NWD2: variants seen among roughly 807,000 people sequenced by gnomAD.
NWD2 encodes the protein NACHT and WD repeat domain-containing protein 2.
In NWD2, 37 loss-of-function variants were observed where a neutral mutation model predicts 132.7. The ratio of observed to expected loss-of-function variants is 0.28; its 90% CI spans 0.21 to 0.37. The LOEUF (loss-of-function observed/expected upper bound fraction) is 0.37. NWD2 is among the 10% of genes least tolerant of loss of function. The probability of loss-of-function intolerance (pLI) is 1.00; values close to 1 mark genes in which losing one functional copy is unlikely to be tolerated. For synonymous variants in NWD2, 705 were observed against 803.0 expected, an observed-to-expected ratio of 0.88 and a Z score of 2.06; for missense variants, 1,592 against 2,122.4, an observed-to-expected ratio of 0.75 and a Z score of 4.91.
chr4:37,316,419 C>G (rs1308751199), intron 1 of NWD2, among the ~76,000 whole-genome samples: 3 of 151,654 alleles, frequency 2.0e-5, no homozygotes, highest in Admixed American at 6.6e-5. Context: ...TTCTCTTTAT[C>G]TTTTGTTTTA....
In NWD2 at chr4:37,387,670, CTTT is replaced by C. The variant is rs34665816; in HGVS notation, c.357+31208_357+31210del. Reference sequence around the variant, plus strand: ...GCCAGAGTAACCACTTTGAAATATTCTTTTTTTTTTTTTTTTTTTTTTGAGACA... The same window carrying C: ...GCCAGAGTAACCACTTTGAAATATTCTTTTTTTTTTTTTTTTTTTGAGACA... On this transcript the variant is annotated intron_variant, in intron 3 of 6. Transcript: ENST00000309447. 9.1e-3 allele frequency among the ~76,000 whole-genome samples: 810 copies of C among 88,706 alleles called. 5 individuals are homozygous for C. The highest frequency in any genetic ancestry group is 0.018 in the African/African-American group (370 of 20,296). The allele number at this position is 88,706 out of a possible 152,430, so 58.2% of individuals were successfully genotyped here. A position where few individuals can be genotyped will look rare whatever the true frequency, so the allele number is the denominator to read the frequency against.
At chr4:37,327,333 G>A (rs886830571) in intron 2 of NWD2, among the ~76,000 whole-genome samples, 1 of 152,114 alleles carries the variant, frequency 6.6e-6, no homozygotes, top group African/African-American at 2.4e-5. Flanking sequence ...GAGAAAAAAA[G>A]TATACTTTCT....
At chr4:37,245,304 C>T (rs1717213986) in intron 1 of NWD2, 86 bp downstream of exon 1, 2 of 1,386,368 alleles carry the variant, frequency 1.4e-6, no homozygotes, top group Non-Finnish European at 1.9e-6. Context: ...CCCCACAGCC[C>T]GGTGCGCCCT....
intron 1 of NWD2, among the ~76,000 whole-genome samples, chr4:37,321,783 A>G (rs1415067670): frequency 5.3e-5 from 8 of 152,208 alleles, no homozygotes; most frequent in Non-Finnish European, 1.2e-4. Context: ...AGAGCCAATC[A>G]TATATTAATA....
chr4:37,379,017 G>C (rs532210066), intron 3 of NWD2, among the ~76,000 whole-genome samples: 3 of 152,302 alleles, frequency 2.0e-5, no homozygotes, highest in South Asian at 4.1e-4. Flanking sequence ...CAAGCTAATT[G>C]TGGAAAGGAA....
intron 1 of NWD2, among the ~76,000 whole-genome samples, chr4:37,313,545 G>A (rs755359877): frequency 8.6e-5 from 13 of 150,872 alleles, no homozygotes; most frequent in Non-Finnish European, 1.3e-4. Context: ...CTTGCTAGCG[G>A]TCTATCAATT....
At chr4:37,348,211 T>C (rs1719675912) in intron 2 of NWD2, among the ~76,000 whole-genome samples, 1 of 152,210 alleles carries the variant, frequency 6.6e-6, no homozygotes, top group African/African-American at 2.4e-5. Context: ...AGTTGAATTC[T>C]AGTTGGCTAA....
In NWD2 at chr4:37,439,251, T is replaced by C. The variant is rs1712416209; in HGVS notation, c.1157T>C (p.Phe386Ser). Reference sequence around the variant, plus strand: ...TCATTATGTAAAACATACGCCTCCTTCTATGAGTACAAATGTGAATCTCTA... The same window carrying C: ...TCATTATGTAAAACATACGCCTCCTCCTATGAGTACAAATGTGAATCTCTA... ...HSSLCKTYASFYEYKCESLNI... is the reference protein window; with the variant it reads ...HSSLCKTYASSYEYKCESLNI... Residue 386 changes from phenylalanine (F) to serine (S), a missense_variant, in exon 6 of 7, where the codon TTC (phenylalanine) becomes TCC (serine). This residue lies in a region of NWD2 where 1,071 missense variants were observed against 1,398.0 expected (regional missense o/e 0.77). Coordinates refer to ENST00000309447, the MANE Select transcript of NWD2 (RefSeq NM_001144990.2). This position sits in a 1 kb window ranked among gnomAD's most constrained non-coding sequence, Gnocchi z 4.5. The C allele has an allele frequency of 6.4e-7, 1 of 1,551,228 alleles. No homozygotes were observed. The highest frequency in any genetic ancestry group is 8.7e-7 in the Non-Finnish European group (1 of 1,146,912).
At chr4:37,397,547 G>T (rs1720822483) in intron 3 of NWD2, among the ~76,000 whole-genome samples, 1 of 152,100 alleles carries the variant, frequency 6.6e-6, no homozygotes, top group Non-Finnish European at 1.5e-5. Context: ...CTCTCACCTT[G>T]GTTCTCCAGC....
intron 1 of NWD2, among the ~76,000 whole-genome samples, chr4:37,322,263 T>C (rs560775747): frequency 6.6e-6 from 1 of 152,078 alleles, no homozygotes; most frequent in Non-Finnish European, 1.5e-5. Flanking sequence ...AATAAACAAA[T>C]AAACAATGAT....
At chr4:37,260,085 C>A (rs1717598140) in intron 1 of NWD2, among the ~76,000 whole-genome samples, 1 of 152,188 alleles carries the variant, frequency 6.6e-6, no homozygotes, top group Non-Finnish European at 1.5e-5. Context: ...CATGTACCAT[C>A]AGGCTTGTGT....
intron 3 of NWD2, among the ~76,000 whole-genome samples, chr4:37,421,356 A>G (rs933967672): frequency 6.6e-6 from 1 of 152,176 alleles, no homozygotes; most frequent in Non-Finnish European, 1.5e-5. Context: ...TGACTCTGTT[A>G]TGCAGCTCTT....
At chr4:37,404,483 A>G (rs571664128) in intron 3 of NWD2, among the ~76,000 whole-genome samples, 1 of 152,116 alleles carries the variant, frequency 6.6e-6, no homozygotes, top group Non-Finnish European at 1.5e-5. Flanking sequence ...ATCCACAGTC[A>G]ACCTTCTGAT....
intron 3 of NWD2, among the ~76,000 whole-genome samples, chr4:37,362,974 A>G (rs1218973347): frequency 6.6e-6 from 1 of 151,784 alleles, no homozygotes; most frequent in African/African-American, 2.4e-5. Flanking sequence ...AGCAAAAAAG[A>G]CCATTAAAAA....
chr4:37,329,277 TCTTCTGAGGAG>T lies in NWD2; in HGVS notation c.240+3259_240+3269del, dbSNP rs201007185. On this transcript the variant is annotated intron_variant, in intron 2 of 6. Coordinates refer to ENST00000309447, the MANE Select transcript of NWD2 (RefSeq NM_001144990.2). Reference sequence around the variant, plus strand: ...ATAAAGGAGCAAACCAACCAGACCCTCTTCTGAGGAGCTTCTAACATTGTTAGGAGAGGCAG... The same window carrying T: ...ATAAAGGAGCAAACCAACCAGACCCTCTTCTAACATTGTTAGGAGAGGCAG... Among the ~76,000 whole-genome samples, 786 of 152,302 alleles carry T rather than the reference TCTTCTGAGGAG, an allele frequency of 5.2e-3. 26 individuals carry two copies. The highest frequency in any genetic ancestry group is 0.041 in the Admixed American group (623 of 15,284).
Position 37,247,108 on chromosome 4 carries a change from A to G in NWD2, c.151+1890A>G, listed in dbSNP as rs532229076. On this transcript the variant is annotated intron_variant, in intron 1 of 6. Transcript: ENST00000309447. ...GCTGGACAGCTTCCACAAGGATCTT[A>G]ACAAACAAAACAGAAATGTGAAGCT... 3.9e-5 allele frequency among the ~76,000 whole-genome samples: 6 copies of G among 152,354 alleles called. No individual in the cohort carries two copies. In the East Asian group the frequency reaches 1.2e-3, roughly 29 times the overall value.
In NWD2 at chr4:37,386,813, G is replaced by A. The variant is rs151223716; in HGVS notation, c.357+30331G>A. ...AGTTGGTACCATTCCCACAGTAATG[G>A]ATTCACGCAAGATCTGGTTGTGAAA... is the stretch of plus-strand genomic sequence containing the variant. On this transcript the variant is annotated intron_variant, in intron 3 of 6. Transcript: ENST00000309447. Among the ~76,000 whole-genome samples, 786 of 149,872 alleles carry A rather than the reference G, an allele frequency of 5.2e-3. 7 individuals are homozygous for A. Among genetic ancestry groups the A allele is most frequent in the African/African-American group, 0.019 (741 of 39,332 alleles).
chr4:37,325,991 A>G lies in NWD2; in HGVS notation c.207A>G (p.Glu69=), dbSNP rs749236042. 19 of 1,547,874 alleles carry G rather than the reference A, an allele frequency of 1.2e-5. No individual in the cohort carries two copies. Among genetic ancestry groups the G allele is most frequent in the Non-Finnish European group, 1.7e-5 (19 of 1,143,870 alleles). Reference sequence around the variant, plus strand: ...AAAATGTATATCCTAAACTGAGAGAATTCTGCAGAGAAAACTATGGATTGG... The same window carrying G: ...AAAATGTATATCCTAAACTGAGAGAGTTCTGCAGAGAAAACTATGGATTGG... The part of the protein sequence containing the change: ...LRENVYPKLR[E]FCRENYGLEF... The change falls in exon 2 of 7, where the codon GAA becomes GAG. Residue 69 remains glutamate (E), a synonymous_variant. Coordinates refer to ENST00000309447, the MANE Select transcript of NWD2 (RefSeq NM_001144990.2).
intron 3 of NWD2, among the ~76,000 whole-genome samples, chr4:37,365,015 G>A (rs540070649): frequency 3.8e-4 from 58 of 152,104 alleles, no homozygotes; most frequent in Non-Finnish European, 6.6e-4. Flanking sequence ...TTCTATTTTT[G>A]TATATCACTG....
Sources: allele counts gnomAD v4.1 joint callset (sites outside exome capture counted in the v4.1 genomes callset), GRCh38; gene constraint gnomAD v4.1.1; regional missense constraint gnomAD v4.1.1; non-coding constraint Gnocchi (gnomAD v3.1); transcripts MANE v1.5; gene names NCBI Gene and HGNC (gene_info 2026-07-23, HGNC 2026-07-21).